The following XPNPEP2 variants were observed in gnomAD, a reference collection of about 807,000 sequenced individuals.
XPNPEP2 encodes the protein X-prolyl aminopeptidase 2.
A neutral mutation model predicts 59.8 loss-of-function variants in XPNPEP2; 64 were observed. The ratio of observed to expected loss-of-function variants is 1.07; its 90% CI spans 0.87 to 1.32. The LOEUF (loss-of-function observed/expected upper bound fraction) is 1.32, where lower values mean the gene tolerates loss of function less well. XPNPEP2 is among the 40% of genes most tolerant of loss of function. XPNPEP2 has a pLI of 0.00. For missense variants in XPNPEP2, 575 were observed against 546.8 expected (o/e 1.05, Z -0.51); for synonymous variants, 235 against 210.0 (o/e 1.12, Z -1.03).
At chrX:129,756,996 CTA>C (rs61273791) in intron 14 of XPNPEP2, among the ~76,000 whole-genome samples, 3,331 of 70,206 alleles carry the variant, frequency 0.047, 196 homozygotes, top group African/African-American at 0.15. Flanking sequence ...CCATGCCCAG[CTA>C]TATATATATA....
rs1926764694 is a variant in XPNPEP2, at chrX:129,767,120, A to G, written c.1741-483A>G. Among the ~76,000 whole-genome samples the G allele has an allele frequency of 6.3e-5, 7 of 111,340 alleles. No individual in the cohort carries two copies. The South Asian group carries it at 2.7e-3, about 43-fold the overall frequency. ...TCCCAGCTACTTGGAAGGCTGAGGTAGAAGGATCACCTGAGCCCAGGAGGT... is the reference window on the plus strand; with the variant it reads ...TCCCAGCTACTTGGAAGGCTGAGGTGGAAGGATCACCTGAGCCCAGGAGGT... On this transcript the variant is annotated intron_variant, in intron 19 of 20. Transcript: ENST00000371106.
chrX:129,751,282 C>T (rs780528438), intron 8 of XPNPEP2, among the ~76,000 whole-genome samples: 1 of 109,174 alleles, frequency 9.2e-6, no homozygotes, highest in African/African-American at 3.3e-5. Context: ...CCAAGGTGGG[C>T]GGATCACCTG....
chrX:129,741,199 T>C (rs1288125349), intron 1 of XPNPEP2, among the ~76,000 whole-genome samples: 1 of 109,250 alleles, frequency 9.2e-6, no homozygotes, highest in African/African-American at 3.4e-5. Context: ...CGAGTCACTC[T>C]AAATTGGGGG....
intron 14 of XPNPEP2, among the ~76,000 whole-genome samples, chrX:129,756,847 T>G (rs1393532507): frequency 9.3e-6 from 1 of 107,303 alleles, no homozygotes; most frequent in Non-Finnish European, 1.9e-5. Flanking sequence ...GTTTGTTTGT[T>G]TCTTGACAGA....
intron 14 of XPNPEP2, 137 bp from the exon 15 acceptor site, chrX:129,759,043 A>T: frequency 1.5e-6 from 1 of 687,901 alleles, no homozygotes; most frequent in Non-Finnish European, 2.2e-6. Flanking sequence ...GGGGATTTTG[A>T]TTATGGTAGC....
At chrX:129,751,535 G>GAAGAAAGAAAGAAAGAAAGAAAGA (rs1178245774) in intron 8 of XPNPEP2, among the ~76,000 whole-genome samples, 1 of 50,844 alleles carries the variant, frequency 2.0e-5, no homozygotes, top group Non-Finnish European at 3.7e-5. Flanking sequence ...AGAAAGAAAG[G>GAAGAAAGAAAGAAAGAAAGAAAGA]AAGAAAGAAA....
intron 19 of XPNPEP2, among the ~76,000 whole-genome samples, chrX:129,767,278 C>T (rs1926767797): frequency 8.9e-6 from 1 of 112,234 alleles, no homozygotes; most frequent in Non-Finnish European, 1.9e-5. Flanking sequence ...ATTCTGCCTC[C>T]AGTAGGTTTG....
chrX:129,740,983 C>T (rs1279222992), intron 1 of XPNPEP2, among the ~76,000 whole-genome samples: 1 of 108,435 alleles, frequency 9.2e-6, no homozygotes, highest in African/African-American at 3.4e-5. Flanking sequence ...GTAATGTCTC[C>T]CCACACTCAG....
rs190243372 is a variant in XPNPEP2 at position 129,745,238 on chromosome X, G to T, written c.270G>T (p.Ala90=). The T allele has an allele frequency of 1.7e-5, 20 of 1,209,765 alleles. No homozygotes were observed. The East Asian group carries it at 5.3e-4, about 32-fold the overall frequency. The change falls in exon 4 of 21, where the codon GCG becomes GCT. Residue 90 remains alanine (A), a synonymous_variant. Coordinates refer to ENST00000371106, the MANE Select transcript of XPNPEP2 (RefSeq NM_003399.6). ...TCGGCCAACATGACGAGAGGCGTGC[G>T]TGGATTACAGGCTTTACAGGGTCTG... ...EYIGQHDERR[A]WITGFTGSAG...
chrX:129,754,430 A>T, intron 11 of XPNPEP2, 42 bp from the exon 12 acceptor site: 2 of 1,119,712 alleles, frequency 1.8e-6, no homozygotes, highest in South Asian at 4.1e-5. Context: ...CTGCAACCAG[A>T]CCTCACCCGG....
chrX:129,759,251 G>A lies in XPNPEP2; in HGVS notation c.1428+11G>A. ...TCTGCCTTCCAGAAGGTAAGCATGG[G>A]CCCAGATTTCCCCTCACCACCTTCC... On this transcript the variant is annotated intron_variant, in intron 15 of 20. Coordinates refer to ENST00000371106, the MANE Select transcript of XPNPEP2 (RefSeq NM_003399.6). The A allele has an allele frequency of 8.3e-7, 1 of 1,211,383 alleles. No homozygotes were observed. Among genetic ancestry groups the A allele is most frequent in the African/African-American group, 1.7e-5 (1 of 57,747 alleles).
In XPNPEP2 at chrX:129,752,260, G is replaced by A. The variant is rs761412047; in HGVS notation, c.932G>A (p.Ser311Asn). The A allele has an allele frequency of 1.6e-6, 2 of 1,212,127 alleles. No individual in the cohort carries two copies. Among genetic ancestry groups the A allele is most frequent in the South Asian group, 1.8e-5 (1 of 57,033 alleles). ...GAGGATTACAGCCAAGTTCGTGACA[G>A]CATCCAGGCCTACTCATTGGGAGAT... ...QIEDYSQVRD[S>N]IQAYSLGDVR... Residue 311 changes from serine to asparagine, a missense_variant, in exon 10 of 21, where the codon AGC (serine) becomes AAC (asparagine). Ser to Asn is a conservative substitution (Grantham distance 46). Coordinates refer to ENST00000371106, the MANE Select transcript of XPNPEP2 (RefSeq NM_003399.6).
At chrX:129,739,409 T>A (rs965039289) in intron 1 of XPNPEP2, 147 bp downstream of exon 1, 2 of 541,722 alleles carry the variant, frequency 3.7e-6, no homozygotes, top group Non-Finnish European at 5.7e-6. Context: ...AGGGCCAGTG[T>A]TGGGGGCCCT....
At chrX:129,761,900 A>C in intron 17 of XPNPEP2, 106 bp from the exon 18 acceptor site, 12 of 779,016 alleles carry the variant, frequency 1.5e-5, no homozygotes, top group Non-Finnish European at 2.2e-5. Flanking sequence ...CTGTGCTCAT[A>C]GAGATGCTCT....
chrX:129,753,296 A>G, intron 11 of XPNPEP2, 48 bp downstream of exon 11: 2 of 1,119,065 alleles, frequency 1.8e-6, no homozygotes, highest in Non-Finnish European at 2.5e-6. Context: ...TATCCAGCCT[A>G]ATGAGTTAGA....
chrX:129,740,485 G>GGCAT, intron 1 of XPNPEP2, among the ~76,000 whole-genome samples: 1 of 110,465 alleles, frequency 9.1e-6, no homozygotes, highest in South Asian at 3.9e-4. Flanking sequence ...AAATTAGCCA[G>GGCAT]GCATGGTGGC....
At chrX:129,757,963 A>G (rs148451946) in intron 14 of XPNPEP2, among the ~76,000 whole-genome samples, 6 of 106,986 alleles carry the variant, frequency 5.6e-5, no homozygotes, top group East Asian at 3.0e-4. Context: ...AAGAAAGAAA[A>G]AGAATAGGCT....
rs765067524 is a variant in XPNPEP2 at position 129,750,489 on chromosome X, T to C, written c.659T>C (p.Val220Ala). The C allele has an allele frequency of 2.5e-5, 30 of 1,196,524 alleles. No individual in the cohort carries two copies. The highest frequency in any genetic ancestry group is 3.4e-5 in the Non-Finnish European group (30 of 887,797). Residue 220 changes from valine (V) to alanine (A), a missense_variant, in exon 8 of 21, where the codon GTA (valine) becomes GCA (alanine). Val to Ala is a moderately conservative substitution (Grantham distance 64). Transcript: ENST00000371106. ...CTAGGGAGCACTTGGCAGGAGAAAG[T>C]ATCTGGCGTCCGAAGCCAGATGCAG... ...AFTGSTWQEK[V>A]SGVRSQMQKH...
intron 8 of XPNPEP2, among the ~76,000 whole-genome samples, chrX:129,751,042 C>T (rs922320447): frequency 9.2e-6 from 1 of 109,171 alleles, no homozygotes; most frequent in African/African-American, 3.3e-5. Flanking sequence ...TAAGTATCTG[C>T]ATTTTTCTGG....
Sources: gnomAD v4.1 joint callset for allele counts (sites outside exome capture counted in the v4.1 genomes callset) on GRCh38, gnomAD v4.1.1 for gene constraint, MANE v1.5 for transcripts, NCBI Gene and HGNC (gene_info 2026-07-23, HGNC 2026-07-21) for gene names.